Variants in DPP10 observed in about 807,000 individuals in gnomAD.
DPP10 encodes inactive dipeptidyl peptidase 10.
DPP10 carries 33 observed loss-of-function variants against 120.9 expected under a neutral mutation model. The ratio of observed to expected loss-of-function variants is 0.27; its 90% CI spans 0.21 to 0.37. DPP10 has a LOEUF of 0.37. Ranked by LOEUF, DPP10 falls within the 10% of genes least tolerant of loss-of-function variation. The pLI is 1.00. For missense variants in DPP10, 816 were observed against 942.8 expected (o/e 0.87, Z 1.76); for synonymous variants, 337 against 326.1 (o/e 1.03, Z -0.36).
intron 7 of DPP10, among the ~76,000 whole-genome samples, chr2:115,723,615 G>GTT: frequency 3.4e-5 from 1 of 29,844 alleles, no homozygotes; most frequent in African/African-American, 4.5e-5. Context: ...TGTTGTTGTT[G>GTT]TTTTTTGTTT....
chr2:115,727,755 A>C, intron 7 of DPP10, 61 bp from the exon 8 acceptor site: 4 of 1,512,926 alleles, frequency 2.6e-6, no homozygotes, highest in Admixed American at 2.4e-5. Context: ...TGTAATATTA[A>C]AGTTTCAAAA....
At chr2:114,754,576 A>G (rs1679557823) in intron 1 of DPP10, among the ~76,000 whole-genome samples, 1 of 152,176 alleles carries the variant, frequency 6.6e-6, no homozygotes, top group South Asian at 2.1e-4. Flanking sequence ...GAGCATTAAA[A>G]ATAGTAGCAA....
At chr2:115,649,476 A>T (rs1421728552) in intron 5 of DPP10, among the ~76,000 whole-genome samples, 1 of 152,052 alleles carries the variant, frequency 6.6e-6, no homozygotes, top group Non-Finnish European at 1.5e-5. Flanking sequence ...TGCTCTTTTT[A>T]TGATGATTTG....
chr2:115,231,215 T>C (rs2057718819), intron 1 of DPP10, among the ~76,000 whole-genome samples: 1 of 152,008 alleles, frequency 6.6e-6, no homozygotes, highest in African/African-American at 2.4e-5. Context: ...TAAATATAAT[T>C]ATTAATCTAA....
At chr2:115,392,082 G>A (rs554750632) in intron 3 of DPP10, among the ~76,000 whole-genome samples, 48 of 152,060 alleles carry the variant, frequency 3.2e-4, no homozygotes, top group African/African-American at 1.0e-3. Flanking sequence ...TGGTCATTAA[G>A]GTCCCTTTTA....
At chr2:115,510,391 A>G (rs950329299) in intron 4 of DPP10, among the ~76,000 whole-genome samples, 7 of 152,184 alleles carry the variant, frequency 4.6e-5, no homozygotes, top group Non-Finnish European at 7.3e-5. Context: ...ACAATTATCC[A>G]TGTAACATTT....
chr2:115,306,011 A>C (rs774343898), intron 1 of DPP10, among the ~76,000 whole-genome samples: 2 of 152,028 alleles, frequency 1.3e-5, no homozygotes, highest in Non-Finnish European at 2.9e-5. Flanking sequence ...ATACTTAGGT[A>C]AGAGTTTTTT....
chr2:115,835,654 G>T (rs1689406576), intron 21 of DPP10, among the ~76,000 whole-genome samples: 1 of 152,100 alleles, frequency 6.6e-6, no homozygotes, highest in Non-Finnish European at 1.5e-5. Context: ...TTATTTTGGG[G>T]TGACATGTTC....
chr2:114,978,732 C>G (rs1699904223), intron 1 of DPP10, among the ~76,000 whole-genome samples: 1 of 152,070 alleles, frequency 6.6e-6, no homozygotes, highest in African/African-American at 2.4e-5. Flanking sequence ...AAAAATGACA[C>G]TAATATTTTA....
At chr2:114,980,573 A>G (rs1700017634) in intron 1 of DPP10, among the ~76,000 whole-genome samples, 2 of 152,026 alleles carry the variant, frequency 1.3e-5, no homozygotes, top group African/African-American at 4.8e-5. Flanking sequence ...TGATGTACGA[A>G]AAAGAAAAAG....
At chr2:115,476,894 C>T (rs928205326) in intron 3 of DPP10, among the ~76,000 whole-genome samples, 18 of 151,856 alleles carry the variant, frequency 1.2e-4, no homozygotes, top group African/African-American at 3.9e-4. Flanking sequence ...ACTACATTAA[C>T]AGAATGAAAG....
At chr2:114,811,979 G>T (rs912056946) in intron 1 of DPP10, among the ~76,000 whole-genome samples, 2 of 152,164 alleles carry the variant, frequency 1.3e-5, no homozygotes, top group Non-Finnish European at 1.5e-5. Flanking sequence ...AGCAGGAATG[G>T]TTCGGGGCAC....
intron 4 of DPP10, among the ~76,000 whole-genome samples, chr2:115,510,004 T>A (rs1319658192): frequency 6.6e-6 from 1 of 152,196 alleles, no homozygotes; most frequent in East Asian, 1.9e-4. Context: ...TGTATATCTT[T>A]GTTGGAGAAA....
At chr2:115,551,327 G>T (rs973732385) in intron 5 of DPP10, among the ~76,000 whole-genome samples, 8 of 152,168 alleles carry the variant, frequency 5.3e-5, no homozygotes, top group Middle Eastern at 3.4e-3. Context: ...TTGCTCTTGT[G>T]GGCTTGGCTA....
At chr2:114,576,850 G>A (rs970079327) in intron 1 of DPP10, among the ~76,000 whole-genome samples, 6 of 151,586 alleles carry the variant, frequency 4.0e-5, no homozygotes, top group Non-Finnish European at 4.4e-5. Context: ...AAATTCTGGA[G>A]CTACCAATGA....
chr2:114,718,645 A>G (rs1701510478), intron 1 of DPP10, among the ~76,000 whole-genome samples: 1 of 152,198 alleles, frequency 6.6e-6, no homozygotes, highest in Non-Finnish European at 1.5e-5. Context: ...GTTTCGTTAA[A>G]CAAATCTGTT....
chr2:115,318,125 G>A (rs2061886600), intron 2 of DPP10, among the ~76,000 whole-genome samples: 1 of 151,930 alleles, frequency 6.6e-6, no homozygotes, highest in Non-Finnish European at 1.5e-5. Context: ...TTTTTATGGT[G>A]TGAGTTAGGG....
At chr2:115,180,918 C>T (rs1322332171) in intron 1 of DPP10, among the ~76,000 whole-genome samples, 1 of 142 alleles carries the variant, frequency 7.0e-3, no homozygotes, top group Non-Finnish European at 0.014. Flanking sequence ...GCCTCCCTTC[C>T]TCCTGCCTCC....
At chr2:115,339,438 G>A (rs1293371645) in intron 2 of DPP10, among the ~76,000 whole-genome samples, 2 of 152,102 alleles carry the variant, frequency 1.3e-5, no homozygotes, top group Non-Finnish European at 2.9e-5. Context: ...ATTTGACCCA[G>A]CAACTGCATA....
Sources: gnomAD v4.1 joint callset for allele counts (sites outside exome capture counted in the v4.1 genomes callset) on GRCh38, gnomAD v4.1.1 for gene constraint, MANE v1.5 for transcripts, NCBI Gene and HGNC (gene_info 2026-07-23, HGNC 2026-07-21) for gene names.